Variants in MRC1 observed in about 807,000 individuals in gnomAD.
MRC1 encodes macrophage mannose receptor 1.
A neutral mutation model predicts 102.9 loss-of-function variants in MRC1; 62 were observed. The observed-to-expected ratio is 0.60, with a 90% confidence interval of 0.49 to 0.74. The LOEUF (loss-of-function observed/expected upper bound fraction) is 0.74. Ranked by LOEUF, MRC1 falls within the 30% of genes least tolerant of loss-of-function variation. The pLI is 0.00. For missense variants in MRC1, 1,237 were observed against 862.8 expected, an observed-to-expected ratio of 1.43 and a Z score of -5.43; for synonymous variants, 457 against 298.4, an observed-to-expected ratio of 1.53 and a Z score of -5.48.
intron 6 of MRC1, among the ~76,000 whole-genome samples, chr10:17,848,389 G>A (rs1164527323): frequency 6.6e-6 from 1 of 152,018 alleles, no homozygotes. Context: ...ATATGTACCA[G>A]GCCCTGTGCC....
chr10:17,879,837 A>G lies in MRC1; in HGVS notation c.2719+16A>G, dbSNP rs1833488987. 3 of 780,908 alleles carry G rather than the reference A, an allele frequency of 3.8e-6. No homozygotes were observed. The highest frequency in any genetic ancestry group is 7.2e-6 in the Non-Finnish European group (3 of 417,962). 48.4% of individuals were successfully genotyped at this position (780,908 alleles called of 1,614,324 possible). A position where few individuals can be genotyped will look rare whatever the true frequency, so the allele number is the denominator to read the frequency against. The stretch of plus-strand genomic sequence containing the variant: ...TCAAATTCAGGTAGGCAAGTCATGC[A>G]TATTGAATTTGCTTTGTGGCGTGGC... On this transcript the variant is annotated intron_variant, in intron 19 of 29. Transcript: ENST00000569591.
chr10:17,869,415 A>G (rs1833322895), intron 12 of MRC1, among the ~76,000 whole-genome samples: 1 of 152,184 alleles, frequency 6.6e-6, no homozygotes, highest in African/African-American at 2.4e-5. Flanking sequence ...CAACTTGGGC[A>G]ACCATAGTGC....
chr10:17,853,406 T>C (rs1833014694), intron 8 of MRC1, among the ~76,000 whole-genome samples: 1 of 151,756 alleles, frequency 6.6e-6, no homozygotes, highest in African/African-American at 2.4e-5. Context: ...GCACTATATA[T>C]GTACATGGCC....
chr10:17,848,597 ACTCT>A (rs1195940566), intron 6 of MRC1, among the ~76,000 whole-genome samples: 4 of 151,896 alleles, frequency 2.6e-5, no homozygotes, highest in African/African-American at 7.3e-5. Context: ...TTACAAGCAC[ACTCT>A]CTCTATTCTT....
intron 8 of MRC1, among the ~76,000 whole-genome samples, 158 bp downstream of exon 8, chr10:17,853,282 CCT>C (rs1833012710): frequency 6.6e-6 from 1 of 151,868 alleles, no homozygotes; most frequent in African/African-American, 2.4e-5. Context: ...TTCTTGAATC[CCT>C]CTCAACTGTC....
intron 4 of MRC1, among the ~76,000 whole-genome samples, chr10:17,836,156 C>G (rs1330383648): frequency 2.0e-5 from 3 of 152,226 alleles, no homozygotes; most frequent in East Asian, 3.8e-4. Flanking sequence ...CCTACCTTGC[C>G]TCATTTCTTA....
intron 3 of MRC1, among the ~76,000 whole-genome samples, chr10:17,831,003 C>T (rs1045286939): frequency 6.6e-6 from 1 of 150,802 alleles, no homozygotes; most frequent in African/African-American, 2.5e-5. Context: ...ATTCTCCTGC[C>T]TCAGCCTCCT....
Position 17,827,580 on chromosome 10 carries a change from T to TG in MRC1, c.503dup (p.Cys168TrpfsTer8). On this transcript the variant is annotated frameshift_variant, in exon 3 of 30. Transcript: ENST00000569591. LOFTEE classifies it high-confidence loss of function. ...ACTAGGCAATGCCAATGGAGCAACC[T>TG]GTGCATTCCCGTTCAAGTTTGAAAA... 1.3e-6 allele frequency: 1 copy of TG among 780,832 alleles called. No homozygotes were observed. Among genetic ancestry groups the TG allele is most frequent in the South Asian group, 1.3e-5 (1 of 74,612 alleles). The allele number at this position is 780,832 out of a possible 1,614,324, so 48.4% of individuals were successfully genotyped here. A position where few individuals can be genotyped will look rare whatever the true frequency, so the allele number is the denominator to read the frequency against.
chr10:17,822,522 G>A (rs1253719578), intron 1 of MRC1, among the ~76,000 whole-genome samples: 10 of 152,192 alleles, frequency 6.6e-5, no homozygotes, highest in Non-Finnish European at 1.3e-4. Flanking sequence ...TTGGGAGGCT[G>A]AGGCAGGAAG....
At chr10:17,909,006 AAT>A (rs1833933545) in intron 28 of MRC1, among the ~76,000 whole-genome samples, 1 of 152,192 alleles carries the variant, frequency 6.6e-6, no homozygotes, top group Non-Finnish European at 1.5e-5. Context: ...CAGTGGCTCA[AAT>A]GTAACTTGGA....
chr10:17,882,072 A>C (rs1294753989), intron 21 of MRC1, among the ~76,000 whole-genome samples: 1 of 152,018 alleles, frequency 6.6e-6, no homozygotes, highest in Non-Finnish European at 1.5e-5. Flanking sequence ...CGTCAAAAGA[A>C]AGGTACCCAC....
rs1554842313 is a variant in MRC1 at position 17,879,820 on chromosome 10, A to T, written c.2718A>T (p.Ser906=). 3 of 780,904 alleles carry T rather than the reference A, an allele frequency of 3.8e-6. No homozygotes were observed. Among genetic ancestry groups the T allele is most frequent in the South Asian group, 1.3e-5 (1 of 74,618 alleles). The allele number at this position is 780,904 out of a possible 1,614,324, so 48.4% of individuals were successfully genotyped here. Residue 906 remains serine, a splice_region_variant and synonymous_variant, in exon 19 of 30, where the codon TCA becomes TCT. Coordinates refer to ENST00000569591, the MANE Select transcript of MRC1 (RefSeq NM_002438.4). The part of the protein sequence containing the change: ...DENCVTMYSN[S]GFWNDINCGY... ...ACTGTGTGACCATGTATTCAAATTC[A>T]GGTAGGCAAGTCATGCATATTGAAT...
At chr10:17,847,429 A>G (rs906746513) in intron 6 of MRC1, among the ~76,000 whole-genome samples, 3 of 152,148 alleles carry the variant, frequency 2.0e-5, no homozygotes, top group Non-Finnish European at 4.4e-5. Context: ...CTCGCTAACC[A>G]CTTGATGTCA....
chr10:17,911,056 T>C lies in MRC1; in HGVS notation c.*591T>C, dbSNP rs1410020398. 1 of 158,316 alleles carries C rather than the reference T, an allele frequency of 6.3e-6. No individual in the cohort carries two copies. The highest frequency in any genetic ancestry group is 1.4e-5 in the Non-Finnish European group (1 of 71,250). 9.8% of individuals were successfully genotyped at this position (158,316 alleles called of 1,614,324 possible). Reference sequence around the variant, plus strand: ...TGCAAATGTGTTCTTTGTCCTGTTATATGTATATCAGGAATACAAGGATGT... The same window carrying C: ...TGCAAATGTGTTCTTTGTCCTGTTACATGTATATCAGGAATACAAGGATGT... On this transcript the variant is annotated 3_prime_UTR_variant, in exon 30 of 30. Transcript: ENST00000569591.
rs1283420232 is a variant in MRC1 at position 17,894,250 on chromosome 10, C to T, written c.3188C>T (p.Ala1063Val). ...ATTATTGGAGGTGCATCAAATGAAG[C>T]AGGAAAATGGATGGATGATACCTGC... ...VVIIGGASNEAGKWMDDTCDS... is the reference protein window; with the variant it reads ...VVIIGGASNEVGKWMDDTCDS... The change falls in exon 23 of 30, where the codon GCA (alanine) becomes GTA (valine). Residue 1063 changes from alanine to valine, a missense_variant. Coordinates refer to ENST00000569591, the MANE Select transcript of MRC1 (RefSeq NM_002438.4). 1.1e-6 allele frequency: 1 copy of T among 872,264 alleles called. No homozygotes were observed. Among genetic ancestry groups the T allele is most frequent in the Non-Finnish European group, 2.0e-6 (1 of 501,478 alleles). The allele number at this position is 872,264 out of a possible 1,614,324, so 54.0% of individuals were successfully genotyped here.
intron 5 of MRC1, among the ~76,000 whole-genome samples, chr10:17,843,500 T>C (rs1030959381): frequency 6.6e-6 from 1 of 152,026 alleles, no homozygotes; most frequent in African/African-American, 2.4e-5. Context: ...ACCCCGTCTA[T>C]ACTAAAAATA....
chr10:17,833,611 A>T, intron 3 of MRC1, 64 bp from the exon 4 acceptor site: 1 of 780,856 alleles, frequency 1.3e-6, no homozygotes, highest in Non-Finnish European at 2.4e-6. Context: ...GGTTTAAATA[A>T]TACTATTCAC....
intron 11 of MRC1, among the ~76,000 whole-genome samples, chr10:17,864,442 T>A (rs1833231715): frequency 6.6e-6 from 1 of 151,776 alleles, no homozygotes; most frequent in African/African-American, 2.4e-5. Flanking sequence ...TTTCCATATC[T>A]TCCATGTGCT....
At chr10:17,870,461 G>A (rs1304905225) in intron 13 of MRC1, 88 bp downstream of exon 13, 6 of 777,706 alleles carry the variant, frequency 7.7e-6, no homozygotes, top group African/African-American at 1.7e-5. Context: ...TGAAATTGTT[G>A]TCTCAGGATG....
Sources: allele counts gnomAD v4.1 joint callset (sites outside exome capture counted in the v4.1 genomes callset), GRCh38; gene constraint gnomAD v4.1.1; transcripts MANE v1.5; gene names NCBI Gene and HGNC (gene_info 2026-07-23, HGNC 2026-07-21).